AHCY: variants seen among roughly 807,000 people sequenced by gnomAD.
AHCY encodes the protein adenosylhomocysteinase, also known as S-adenosyl-L-homocysteine hydrolase.
AHCY carries 24 observed loss-of-function variants against 45.4 expected under a neutral mutation model. That is an observed-to-expected ratio of 0.53 (90% CI 0.38 to 0.74). AHCY has a LOEUF of 0.74. Ranked by LOEUF, AHCY falls within the 30% of genes least tolerant of loss-of-function variation. The pLI, the probability that AHCY is intolerant of heterozygous loss-of-function variation, is 0.00. For synonymous variants in AHCY, 245 were observed against 235.1 expected (o/e 1.04, Z -0.39); for missense variants, 449 against 594.1 (o/e 0.76, Z 2.54).
chr20:34,233,182 C>T, the AHCY span, among the ~76,000 whole-genome samples: 1 of 133,868 alleles, frequency 7.5e-6, no homozygotes, highest in Non-Finnish European at 1.5e-5. Context: ...GAGTCTCGCT[C>T]TGTTGCCCAG....
intron 1 of AHCY, chr20:34,303,010 G>T: frequency 1.0e-5 from 10 of 985,386 alleles, no homozygotes; most frequent in Non-Finnish European, 1.2e-5. Flanking sequence ...ACCGCGCGGC[G>T]GCCCCGGCGT....
chr20:34,262,269 A>C, the AHCY span, among the ~76,000 whole-genome samples: 1 of 152,242 alleles, frequency 6.6e-6, no homozygotes, highest in Non-Finnish European at 1.5e-5. Flanking sequence ...TGCAAGGCAG[A>C]TATTATGGAA....
At chr20:34,257,618 T>C in the AHCY span, among the ~76,000 whole-genome samples, 1 of 152,206 alleles carries the variant, frequency 6.6e-6, no homozygotes, top group South Asian at 2.1e-4. Context: ...TGTTACTGTA[T>C]TGAATCTTTA....
intron 2 of AHCY, among the ~76,000 whole-genome samples, chr20:34,294,648 G>C (rs1269251834): frequency 6.6e-6 from 1 of 152,126 alleles, no homozygotes; most frequent in Non-Finnish European, 1.5e-5. Context: ...ACTCAGGTGG[G>C]GAAGGCTTTG....
At chr20:34,235,870 G>GAAGGAAGGAAGGAAGGAAGGA in the AHCY span, among the ~76,000 whole-genome samples, 1 of 28,966 alleles carries the variant, frequency 3.5e-5, no homozygotes, top group Non-Finnish European at 6.0e-5. Context: ...GGAAGGAAAG[G>GAAGGAAGGAAGGAAGGAAGGA]AAGGAAGGAA....
At chr20:34,244,154 A>T in the AHCY span, among the ~76,000 whole-genome samples, 2 of 152,202 alleles carry the variant, frequency 1.3e-5, no homozygotes. Context: ...AGTTTCTTAG[A>T]AGTGTCCGCA....
chr20:34,260,327 T>C, the AHCY span: 7 of 1,588,590 alleles, frequency 4.4e-6, no homozygotes, highest in Admixed American at 6.8e-5. Flanking sequence ...CCATTACCCC[T>C]GACCCACCCA....
intron 9 of AHCY, among the ~76,000 whole-genome samples, chr20:34,283,566 T>C (rs2036073143): frequency 6.6e-6 from 1 of 151,876 alleles, no homozygotes; most frequent in East Asian, 1.9e-4. Flanking sequence ...GGTCAGGTGC[T>C]GAGGCGGGAG....
chr20:34,267,945 AATTT>A, the AHCY span, among the ~76,000 whole-genome samples: 3 of 134,438 alleles, frequency 2.2e-5, no homozygotes, highest in African/African-American at 7.6e-5. Context: ...TTATTGAAAT[AATTT>A]ATTTTTGTTG....
intron 9 of AHCY, chr20:34,281,745 T>G: frequency 5.8e-6 from 1 of 173,170 alleles, no homozygotes; most frequent in South Asian, 1.3e-4. Context: ...CTCGGCTCAC[T>G]GCAACTTCTA....
At chr20:34,271,440 G>A in the AHCY span, among the ~76,000 whole-genome samples, 4 of 152,166 alleles carry the variant, frequency 2.6e-5, no homozygotes, top group Non-Finnish European at 5.9e-5. Context: ...CACACATAGG[G>A]TGAACTTGAC....
chr20:34,260,578 C>T, the AHCY span: 2 of 1,548,862 alleles, frequency 1.3e-6, no homozygotes, highest in Non-Finnish European at 1.8e-6. Flanking sequence ...AGAGGGGCTG[C>T]AGGAGATCAA....
At chr20:34,274,834 G>A in the AHCY span, among the ~76,000 whole-genome samples, 1 of 152,020 alleles carries the variant, frequency 6.6e-6, no homozygotes, top group African/African-American at 2.4e-5. Context: ...CGCGCCTGTA[G>A]TCTGAGCTAT....
chr20:34,309,451 C>T (rs946825518), intron 1 of AHCY, among the ~76,000 whole-genome samples: 4 of 152,078 alleles, frequency 2.6e-5, no homozygotes, highest in Admixed American at 1.3e-4. Flanking sequence ...CGCTGGAGCC[C>T]AGGAATTCAA....
chr20:34,268,953 C>T, the AHCY span: 1 of 1,565,624 alleles, frequency 6.4e-7, no homozygotes, highest in Non-Finnish European at 8.7e-7. Context: ...GAGGGGTGGG[C>T]GTGGCCGGCT....
chr20:34,311,051 GGTAGGTTGCAGTGAGCC>G, intron 1 of AHCY, among the ~76,000 whole-genome samples: 1 of 151,878 alleles, frequency 6.6e-6, no homozygotes, highest in African/African-American at 2.4e-5. Flanking sequence ...GCTTGAGCCC[GGTAGGTTGCAGTGAGCC>G]GAGATTGTGC....
At chr20:34,260,334 C>T in the AHCY span, 1 of 1,594,426 alleles carries the variant, frequency 6.3e-7, no homozygotes, top group Non-Finnish European at 8.6e-7. Flanking sequence ...CCCTGACCCA[C>T]CCACCTGACC....
the AHCY span, among the ~76,000 whole-genome samples, chr20:34,258,866 TATA>T: frequency 6.3e-5 from 8 of 126,154 alleles, no homozygotes; most frequent in East Asian, 8.5e-4. Context: ...ATATGATATA[TATA>T]ATACTATATA....
chr20:34,258,900 G>A, the AHCY span, among the ~76,000 whole-genome samples: 7 of 129,534 alleles, frequency 5.4e-5, 1 homozygote, highest in South Asian at 1.6e-3. Flanking sequence ...TATATATAGT[G>A]TATATATATA....
Sources: allele counts gnomAD v4.1 joint callset (sites outside exome capture counted in the v4.1 genomes callset), GRCh38; gene constraint gnomAD v4.1.1; transcripts MANE v1.5; gene names NCBI Gene and HGNC (gene_info 2026-07-23, HGNC 2026-07-21).